MMAA: variants seen among roughly 807,000 people sequenced by gnomAD.
The protein encoded by MMAA is methylmalonic aciduria type A protein, mitochondrial.
A neutral mutation model predicts 45.0 loss-of-function variants in MMAA; 41 were observed. The observed-to-expected ratio is 0.91, with a 90% CI of 0.71 to 1.18. The LOEUF (loss-of-function observed/expected upper bound fraction) is 1.18, where lower values mean the gene tolerates loss of function less well. Ranked by LOEUF, MMAA falls within the 50% of genes most tolerant of loss-of-function variation. MMAA has a pLI of 0.00. For missense variants in MMAA, 460 were observed against 495.7 expected, an observed-to-expected ratio of 0.93 and a Z score of 0.68; for synonymous variants, 154 against 178.2, an observed-to-expected ratio of 0.86 and a Z score of 1.08.
chr4:145,623,961 A>G (rs986734332), intron 1 of MMAA, among the ~76,000 whole-genome samples: 1 of 152,218 alleles, frequency 6.6e-6, no homozygotes, highest in Non-Finnish European at 1.5e-5. Flanking sequence ...TCAGCTCAGC[A>G]TCAATACACA....
chr4:145,642,995 A>G (rs536691721), intron 3 of MMAA, among the ~76,000 whole-genome samples: 1 of 152,360 alleles, frequency 6.6e-6, no homozygotes, highest in South Asian at 2.1e-4. Flanking sequence ...ATATACTGCC[A>G]TTCCCCTTAC....
At chr4:145,626,480 G>A (rs1049470841) in intron 1 of MMAA, among the ~76,000 whole-genome samples, 1 of 152,096 alleles carries the variant, frequency 6.6e-6, no homozygotes, top group Non-Finnish European at 1.5e-5. Context: ...CTAACACATC[G>A]AGATCTACTG....
At chr4:145,647,790 C>T (rs1416459905) in intron 4 of MMAA, among the ~76,000 whole-genome samples, 5 of 152,120 alleles carry the variant, frequency 3.3e-5, no homozygotes, top group East Asian at 3.9e-4. Context: ...TCTTTCAAGG[C>T]GCTATCTCCA....
chr4:145,640,763 T>A (rs925705692), intron 2 of MMAA, among the ~76,000 whole-genome samples: 2 of 152,236 alleles, frequency 1.3e-5, no homozygotes, highest in Admixed American at 1.3e-4. Flanking sequence ...GTTTTTGAAA[T>A]TGTGCATTGT....
At chr4:145,647,891 G>A (rs1044449712) in intron 4 of MMAA, among the ~76,000 whole-genome samples, 1 of 152,024 alleles carries the variant, frequency 6.6e-6, no homozygotes, top group Non-Finnish European at 1.5e-5. Flanking sequence ...GAGTCTTGCT[G>A]TGTCTCCCAG....
chr4:145,644,790 A>G (rs543581274), intron 3 of MMAA, among the ~76,000 whole-genome samples: 6 of 152,322 alleles, frequency 3.9e-5, no homozygotes, highest in Non-Finnish European at 7.4e-5. Flanking sequence ...GGCGGTAGTG[A>G]CATTTTATGT....
chr4:145,646,443 G>T (rs1250904366), intron 4 of MMAA: 3 of 365,248 alleles, frequency 8.2e-6, no homozygotes, highest in Non-Finnish European at 1.5e-5. Context: ...CTGTGTAAAT[G>T]ATGCTTTGGC....
intron 2 of MMAA, chr4:145,639,905 T>A: frequency 2.4e-6 from 2 of 842,116 alleles, no homozygotes; most frequent in Non-Finnish European, 2.9e-6. Flanking sequence ...TCCTTCTGCT[T>A]AAATAGTTTA....
intron 1 of MMAA, chr4:145,624,715 C>A: frequency 6.4e-7 from 1 of 1,563,462 alleles, no homozygotes. Context: ...TTATCCTTTC[C>A]TTCTTTGTTC....
At chr4:145,640,971 C>T (rs1355939260) in intron 2 of MMAA, among the ~76,000 whole-genome samples, 1 of 152,092 alleles carries the variant, frequency 6.6e-6, no homozygotes, top group Non-Finnish European at 1.5e-5. Context: ...ACACCTTTGT[C>T]TCACAGTTTA....
At chr4:145,630,155 T>C (rs1253419572) in intron 1 of MMAA, among the ~76,000 whole-genome samples, 3 of 152,228 alleles carry the variant, frequency 2.0e-5, no homozygotes, top group Non-Finnish European at 2.9e-5. Flanking sequence ...ATTAGACTTT[T>C]TATTACAGCT....
intron 1 of MMAA, among the ~76,000 whole-genome samples, chr4:145,638,382 C>G (rs1727681903): frequency 2.0e-5 from 3 of 152,068 alleles, no homozygotes; most frequent in Admixed American, 1.3e-4. Context: ...AAAAAAAGAT[C>G]CTTATCTAAT....
At position 145,655,256 on chromosome 4, in the gene MMAA, G is replaced by A. The variant is rs147148157; in HGVS notation, c.1079G>A (p.Arg360Gln). 1.3e-4 allele frequency: 211 copies of A among 1,614,042 alleles called. No homozygotes were observed. The highest frequency in any genetic ancestry group is 1.7e-4 in the Non-Finnish European group (206 of 1,180,038). Residue 360 changes from arginine (R) to glutamine (Q), a missense_variant, in exon 7 of 7, where the codon CGG becomes CAG. Arg to Gln is a conservative substitution (Grantham distance 43, BLOSUM62 1). Transcript: ENST00000649156. ...AGTGGGGAGCTGACTGCCAAACGAC[G>A]GAAGCAACAGAAAGTTTGGATGTGG... ...LASGELTAKR[R>Q]KQQKVWMWNL...
In MMAA at chr4:145,636,901, G is replaced by C. The variant is rs747183748; in HGVS notation, c.-65-2174G>C. 2.0e-5 allele frequency among the ~76,000 whole-genome samples: 3 copies of C among 152,326 alleles called. No individual in the cohort carries two copies. In the South Asian group the frequency reaches 6.2e-4, roughly 32 times the overall value. ...CAGGTCGAAAGATGGCCTTCAAAAA[G>C]ATATGTCCACATCCTAATCCCTGGA... is the stretch of plus-strand genomic sequence containing the variant. On this transcript the variant is annotated intron_variant, in intron 1 of 6. Transcript: ENST00000649156.
At chr4:145,624,945 C>G (rs757274930) in intron 1 of MMAA, 36 of 1,232,918 alleles carry the variant, frequency 2.9e-5, no homozygotes, top group Non-Finnish European at 3.2e-5. Context: ...TTTTCCAACT[C>G]CATACCTTTG....
intron 1 of MMAA, among the ~76,000 whole-genome samples, chr4:145,633,201 T>C (rs896587415): frequency 9.7e-5 from 14 of 144,230 alleles, no homozygotes; most frequent in South Asian, 6.9e-4. Context: ...TTTTTCTTTT[T>C]TTTTTTTTTT....
intron 1 of MMAA, among the ~76,000 whole-genome samples, chr4:145,631,058 G>A (rs1347820601): frequency 6.6e-6 from 1 of 152,256 alleles, no homozygotes; most frequent in East Asian, 1.9e-4. Flanking sequence ...GACTTGTTTT[G>A]TGAGCTAACA....
At chr4:145,642,561 T>C in intron 3 of MMAA, 76 bp downstream of exon 3, 1 of 1,593,240 alleles carries the variant, frequency 6.3e-7, no homozygotes, top group African/African-American at 1.3e-5. Context: ...ATTGGCACAG[T>C]TGGGTGACCT....
At chr4:145,631,222 A>T (rs1018897648) in intron 1 of MMAA, among the ~76,000 whole-genome samples, 2 of 152,310 alleles carry the variant, frequency 1.3e-5, no homozygotes, top group Admixed American at 1.3e-4. Flanking sequence ...TGTCTGGAAG[A>T]TATGTCCAAT....
Sources: gnomAD v4.1 joint callset for allele counts (sites outside exome capture counted in the v4.1 genomes callset) on GRCh38, gnomAD v4.1.1 for gene constraint, MANE v1.5 for transcripts, NCBI Gene and HGNC (gene_info 2026-07-23, HGNC 2026-07-21) for gene names.